Variants in SLC6A12 observed in about 807,000 individuals in gnomAD.
The protein encoded by SLC6A12 is sodium- and chloride-dependent betaine transporter.
In SLC6A12, 50 loss-of-function variants were observed where a neutral mutation model predicts 73.3. That is an observed-to-expected ratio of 0.68 (90% confidence interval 0.54 to 0.86). The LOEUF (loss-of-function observed/expected upper bound fraction) is 0.86, where lower values mean the gene tolerates loss of function less well. Ranked by LOEUF, SLC6A12 falls within the 40% of genes least tolerant of loss-of-function variation. The pLI, the probability that SLC6A12 is intolerant of heterozygous loss-of-function variation, is 0.00. For missense variants in SLC6A12, 648 were observed against 772.8 expected, an observed-to-expected ratio of 0.84 and a Z score of 1.92; for synonymous variants, 304 against 309.2, an observed-to-expected ratio of 0.98 and a Z score of 0.18.
intron 2 of SLC6A12, 36 bp downstream of exon 2, chr12:211,990 T>G (rs1940920565): frequency 6.6e-6 from 1 of 152,182 alleles, no homozygotes; most frequent in Non-Finnish European, 1.5e-5. Context: ...CTGCAGCGCC[T>G]GGGGGACACT....
At chr12:187,589 C>CAACAAAAA (rs1939453773), downstream of SLC6A12, among the ~76,000 whole-genome samples, 1 of 106,074 alleles carries the variant, frequency 9.4e-6, no homozygotes, top group South Asian at 3.6e-4. Context: ...TGCAAAAGAG[C>CAACAAAAA]AAAAAAAAAA....
chr12:201,751 C>T lies in SLC6A12; in HGVS notation c.578+11G>A, dbSNP rs1940275590. ...TCCTCTTCATATGTGGCAAATGGGCCCAGCACCTACTCCCAGAATTCCATG... is the reference window on the plus strand; with the variant it reads ...TCCTCTTCATATGTGGCAAATGGGCTCAGCACCTACTCCCAGAATTCCATG... On this transcript the variant is annotated intron_variant, in intron 6 of 15. Transcript: ENST00000684302. The T allele has an allele frequency of 6.2e-7, 1 of 1,609,768 alleles. No homozygotes were observed. Among genetic ancestry groups the T allele is most frequent in the African/African-American group, 1.3e-5 (1 of 74,916 alleles).
intron 1 of SLC6A12, among the ~76,000 whole-genome samples, chr12:212,494 C>G (rs192889241): frequency 1.3e-5 from 2 of 151,982 alleles, no homozygotes; most frequent in Non-Finnish European, 2.9e-5. Flanking sequence ...GCTGGTGAAC[C>G]GACACTGACG....
chr12:184,969 T>C, the SLC6A12 span, among the ~76,000 whole-genome samples: 10 of 150,442 alleles, frequency 6.6e-5, no homozygotes, highest in Non-Finnish European at 1.5e-5. Context: ...TACTTCCTAA[T>C]GAAATGTTAG....
intron 13 of SLC6A12, 48 bp from the exon 14 acceptor site, chr12:193,425 A>G: frequency 7.0e-7 from 1 of 1,426,894 alleles, no homozygotes; most frequent in Non-Finnish European, 9.9e-7. Context: ...GGGTGAGAAC[A>G]GCTTCCCGGT....
chr12:193,452 C>T, intron 13 of SLC6A12, 75 bp from the exon 14 acceptor site: 1 of 1,176,560 alleles, frequency 8.5e-7, no homozygotes, highest in Non-Finnish European at 1.3e-6. Context: ...GAAAGACCCA[C>T]TTGGCTCTGT....
At position 204,613 on chromosome 12, in the gene SLC6A12, G is replaced by C; in HGVS notation, c.300C>G (p.Thr100=). 6.2e-7 allele frequency: 1 copy of C among 1,614,194 alleles called. No individual in the cohort carries two copies. The highest frequency in any genetic ancestry group is 1.1e-5 in the South Asian group (1 of 91,088). Residue 100 remains threonine, a synonymous_variant, in exon 4 of 16, where the codon ACC becomes ACG. Coordinates refer to ENST00000684302, the MANE Select transcript of SLC6A12 (RefSeq NM_001122848.3). ...FFLEVALGQY[T]SQGSVTAWRK... ...TCCAGGCTGTGACACTCCCTTGGCT[G>C]GTGTATTGGCCCAACGCCACCTCCA...
the SLC6A12 span, among the ~76,000 whole-genome samples, chr12:184,930 CAAAA>C: frequency 8.1e-5 from 11 of 135,082 alleles, no homozygotes; most frequent in African/African-American, 2.9e-4. Flanking sequence ...GAAACTGTCT[CAAAA>C]AAAAAAAAAA....
At position 192,673 on chromosome 12, in the gene SLC6A12, G is replaced by A. The variant is rs1221338826; in HGVS notation, c.1531-25C>T. 14 of 1,611,586 alleles carry A rather than the reference G, an allele frequency of 8.7e-6. No individual in the cohort carries two copies. In the Admixed American group the frequency reaches 1.2e-4, roughly 13 times the overall value. ...CCTGGGAGAAGGAAGGGGCAGCCAT[G>A]GGTAAGATAGGGGGCGACTGAAACC... On this transcript the variant is annotated intron_variant, in intron 14 of 15. Transcript: ENST00000684302.
chr12:202,979 G>A, intron 4 of SLC6A12, 99 bp from the exon 5 acceptor site: 1 of 989,700 alleles, frequency 1.0e-6, no homozygotes, highest in Non-Finnish European at 1.5e-6. Context: ...GGTATTGGGT[G>A]CTACACAAAG....
chr12:188,876 TCCCCAC>T (rs1486649118), downstream of SLC6A12, among the ~76,000 whole-genome samples: 4 of 142,164 alleles, frequency 2.8e-5, no homozygotes, highest in Non-Finnish European at 6.2e-5. Flanking sequence ...GTTCCCTCCA[TCCCCAC>T]CCCCATCCAG....
chr12:212,290 T>C (rs1940934307), intron 1 of SLC6A12, among the ~76,000 whole-genome samples, 180 bp from the exon 2 acceptor site: 1 of 152,202 alleles, frequency 6.6e-6, no homozygotes, highest in Non-Finnish European at 1.5e-5. Flanking sequence ...AGCCTTACTG[T>C]TTCCAGACCA....
chr12:205,877 T>C (rs1377768318), intron 3 of SLC6A12, among the ~76,000 whole-genome samples: 3 of 152,238 alleles, frequency 2.0e-5, no homozygotes, highest in African/African-American at 7.2e-5. Context: ...AGTGTTCCAC[T>C]CTATGTATCT....
At chr12:192,049 C>G (rs1487008479) in intron 15 of SLC6A12, among the ~76,000 whole-genome samples, 1 of 152,198 alleles carries the variant, frequency 6.6e-6, no homozygotes, top group South Asian at 2.1e-4. Context: ...TTGCGTGTGT[C>G]CCCAGGCAGA....
chr12:201,368 G>C, intron 6 of SLC6A12: 1 of 239,232 alleles, frequency 4.2e-6, no homozygotes, highest in Non-Finnish European at 8.3e-6. Context: ...CCCATGTCTT[G>C]ATGTGAGCAC....
chr12:212,615 A>G (rs934253000), intron 1 of SLC6A12, among the ~76,000 whole-genome samples: 6 of 152,236 alleles, frequency 3.9e-5, no homozygotes, highest in Admixed American at 1.3e-4. Flanking sequence ...AGAGCAAGTG[A>G]AAAGGACAGC....
At chr12:207,853 G>A (rs1337432210) in intron 3 of SLC6A12, among the ~76,000 whole-genome samples, 1 of 152,170 alleles carries the variant, frequency 6.6e-6, no homozygotes, top group Non-Finnish European at 1.5e-5. Context: ...ATGAAAGAAA[G>A]GGTGTCTTTC....
chr12:189,460 G>A (rs957727861), downstream of SLC6A12, among the ~76,000 whole-genome samples: 1 of 152,208 alleles, frequency 6.6e-6, no homozygotes, highest in Non-Finnish European at 1.5e-5. Flanking sequence ...GGAGACAAGG[G>A]GGGCGGTCAG....
In SLC6A12 at chr12:197,514, G is replaced by T; in HGVS notation, c.951-13C>A. 6.2e-7 allele frequency: 1 copy of T among 1,610,372 alleles called. No individual in the cohort carries two copies. Among genetic ancestry groups the T allele is most frequent in the Non-Finnish European group, 8.5e-7 (1 of 1,178,300 alleles). On this transcript the variant is annotated splice_polypyrimidine_tract_variant and intron_variant, in intron 9 of 15. Coordinates refer to ENST00000684302, the MANE Select transcript of SLC6A12 (RefSeq NM_001122848.3). Reference sequence around the variant, plus strand: ...GGCGATGCAGTCCCTGTGGGAGTGGGGCAAGGGCAGACAGGAACGGGGAGG... The same window carrying T: ...GGCGATGCAGTCCCTGTGGGAGTGGTGCAAGGGCAGACAGGAACGGGGAGG...
Sources: allele counts gnomAD v4.1 joint callset (sites outside exome capture counted in the v4.1 genomes callset), GRCh38; gene constraint gnomAD v4.1.1; transcripts MANE v1.5; gene names NCBI Gene and HGNC (gene_info 2026-07-23, HGNC 2026-07-21).